OXNAD1: variants seen among roughly 807,000 people sequenced by gnomAD.
The protein encoded by OXNAD1 is oxidoreductase NAD binding domain containing 1.
A neutral mutation model predicts 32.9 loss-of-function variants in OXNAD1; 34 were observed. The ratio of observed to expected loss-of-function variants is 1.03; its 90% confidence interval spans 0.79 to 1.38. The LOEUF is 1.38. Among genes scored for constraint, OXNAD1 ranks in the 40% most tolerant of loss-of-function variants. The pLI is 0.00. For synonymous variants in OXNAD1, 134 were observed against 135.2 expected (o/e 0.99, Z 0.06); for missense variants, 407 against 379.4 (o/e 1.07, Z -0.60).
intron 9 of OXNAD1, among the ~76,000 whole-genome samples, chr3:16,332,697 C>T (rs58700524): frequency 0.014 from 2,064 of 152,312 alleles, 27 homozygotes; most frequent in African/African-American, 0.031. Flanking sequence ...GCACCCTTCT[C>T]GTCCAGGTTG....
In OXNAD1 at chr3:16,290,200, TGGGTATATAGTAA is replaced by T. The variant is rs1361056761; in HGVS notation, c.290+3756_290+3768del. On this transcript the variant is annotated intron_variant, in intron 5 of 8. Coordinates refer to ENST00000285083, the MANE Select transcript of OXNAD1 (RefSeq NM_138381.5). This position sits in a 1 kb window ranked among gnomAD's most constrained non-coding sequence, Gnocchi z 4.2. Reference sequence around the variant, plus strand: ...GCTCCTTCTGCATACACTCACTCATTGGGTATATAGTAAGGGCTTTAACTCATGGCTCCAAGAG... The same window carrying T: ...GCTCCTTCTGCATACACTCACTCATTGGGCTTTAACTCATGGCTCCAAGAG... Among the ~76,000 whole-genome samples, 1 of 152,166 alleles carries T rather than the reference TGGGTATATAGTAA, an allele frequency of 6.6e-6. No individual in the cohort carries two copies. Among genetic ancestry groups the T allele is most frequent in the Non-Finnish European group, 1.5e-5 (1 of 68,014 alleles).
At chr3:16,308,305 T>C (rs1471133829), downstream of OXNAD1, among the ~76,000 whole-genome samples, 1 of 152,170 alleles carries the variant, frequency 6.6e-6, no homozygotes, top group Non-Finnish European at 1.5e-5. This position sits in a 1 kb window ranked among gnomAD's most constrained non-coding sequence, Gnocchi z 4.4. Context: ...ACTGGAATGA[T>C]GGATCTTAGG....
Position 16,294,989 on chromosome 3 carries a change from C to T in OXNAD1, c.424C>T (p.His142Tyr). The change falls in exon 6 of 9, where the codon CAC becomes TAC. Residue 142 changes from histidine (H) to tyrosine (Y), a missense_variant. His to Tyr is a moderately conservative substitution (Grantham distance 83, BLOSUM62 2). Coordinates refer to ENST00000285083, the MANE Select transcript of OXNAD1 (RefSeq NM_138381.5). ...GAACCACCCTCCTGCCCTCTGGGTT[C>T]ACAATACGGTAAGCACACTGCCTGT... is the stretch of plus-strand genomic sequence containing the variant. Reference protein sequence around the residue: ...YTNHPPALWVHNTCTLDCEVA... With the variant: ...YTNHPPALWVYNTCTLDCEVA... The T allele has an allele frequency of 6.2e-7, 1 of 1,611,456 alleles. No homozygotes were observed. Among genetic ancestry groups the T allele is most frequent in the Non-Finnish European group, 8.5e-7 (1 of 1,178,802 alleles).
rs935155681 is a variant in OXNAD1, at chr3:16,317,592, T to A, written c.*30+14000T>A. On this transcript the variant is annotated intron_variant, in intron 9 of 9. Transcript: ENST00000435829. This position sits in a 1 kb window ranked among gnomAD's most constrained non-coding sequence, Gnocchi z 4.3. ...GAGGAGATGTGAGGCCTGCCCCCAG[T>A]AAGAGCCAGAGCTGCAGCTACTCAT... Among the ~76,000 whole-genome samples, 10 of 152,150 alleles carry A rather than the reference T, an allele frequency of 6.6e-5. No homozygotes were observed. Among genetic ancestry groups the A allele is most frequent in the African/African-American group, 2.4e-4 (10 of 41,426 alleles).
chr3:16,290,138 T>C lies in OXNAD1; in HGVS notation c.290+3690T>C, dbSNP rs1483362703. Among the ~76,000 whole-genome samples the C allele has an allele frequency of 6.6e-6, 1 of 152,188 alleles. No individual in the cohort carries two copies. Among genetic ancestry groups the C allele is most frequent in the Non-Finnish European group, 1.5e-5 (1 of 68,022 alleles). ...GACCTGGCTGCCTGGTGTGTCATGG[T>C]TGGATGTGGACATCCACTGCTTCAC... is the stretch of plus-strand genomic sequence containing the variant. On this transcript the variant is annotated intron_variant, in intron 5 of 8. Transcript: ENST00000285083. This position sits in a 1 kb window ranked among gnomAD's most constrained non-coding sequence, Gnocchi z 4.2.
rs936079242 is a variant in OXNAD1, at chr3:16,289,737, T to C, written c.290+3289T>C. ...TCATCTGGTAAGCATTGTGTGTCTT[T>C]TAAGACTGTTTAAAGGGCATCTCTT... On this transcript the variant is annotated intron_variant, in intron 5 of 8. Coordinates refer to ENST00000285083, the MANE Select transcript of OXNAD1 (RefSeq NM_138381.5). The surrounding 1 kb of genome is among the most constrained non-coding windows in gnomAD (Gnocchi z 4.9). 6.6e-6 allele frequency among the ~76,000 whole-genome samples: 1 copy of C among 152,240 alleles called. No individual in the cohort carries two copies.
At chr3:16,339,771 G>A (rs1029072197), downstream of OXNAD1, 3 of 152,130 alleles carry the variant, frequency 2.0e-5, no homozygotes, top group Non-Finnish European at 4.4e-5. Context: ...CTCCACAAAG[G>A]CAAGGAGTTT....
intron 4 of OXNAD1, among the ~76,000 whole-genome samples, chr3:16,278,962 G>T (rs1480048498): frequency 6.6e-6 from 1 of 152,188 alleles, no homozygotes; most frequent in Non-Finnish European, 1.5e-5. Context: ...TTCTCTACTG[G>T]TCATCACCTA....
chr3:16,330,771 C>T (rs894486918), intron 9 of OXNAD1, among the ~76,000 whole-genome samples: 1 of 152,210 alleles, frequency 6.6e-6, no homozygotes, highest in Non-Finnish European at 1.5e-5. Flanking sequence ...AAATAGACAT[C>T]CTACACAACC....
intron 9 of OXNAD1, among the ~76,000 whole-genome samples, chr3:16,328,080 G>A (rs530630451): frequency 3.9e-4 from 60 of 152,272 alleles, no homozygotes; most frequent in African/African-American, 1.3e-3. Context: ...TGGGTGCAAA[G>A]GCACAGCCCC....
downstream of OXNAD1, among the ~76,000 whole-genome samples, chr3:16,311,011 A>AAAAAAAAAAAAG (rs1472119686): frequency 2.2e-5 from 3 of 136,178 alleles, no homozygotes; most frequent in African/African-American, 6.2e-5. Context: ...AAAAAAAAAA[A>AAAAAAAAAAAAG]AAATCATCTG....
chr3:16,294,767 A>T, intron 5 of OXNAD1, 89 bp from the exon 6 acceptor site: 1 of 1,243,692 alleles, frequency 8.0e-7, no homozygotes. Flanking sequence ...ATTTTTTTTC[A>T]TAGTCTTGCA....
chr3:16,300,892 C>T (rs1464101201), intron 6 of OXNAD1, among the ~76,000 whole-genome samples: 2 of 152,202 alleles, frequency 1.3e-5, no homozygotes, highest in Non-Finnish European at 2.9e-5. Flanking sequence ...TAAAAAATGT[C>T]ATCACAAGTT....
chr3:16,271,664 T>A lies in OXNAD1; in HGVS notation c.125T>A (p.Met42Lys). Residue 42 changes from methionine (M) to lysine (K), a missense_variant, in exon 4 of 9, where the codon ATG becomes AAG. By Grantham distance (95) the Met-to-Lys change is moderately conservative. Coordinates refer to ENST00000285083, the MANE Select transcript of OXNAD1 (RefSeq NM_138381.5). This position sits in a 1 kb window ranked among gnomAD's most constrained non-coding sequence, Gnocchi z 4.6. ...AATTTTACTTTCTATTAAAGCATAA[T>A]GAAATCCAAAAGGAAAACTGATCAC... The part of the protein sequence containing the change: ...TLRHLTLTSI[M>K]KSKRKTDHME... 1 of 1,599,504 alleles carries A rather than the reference T, an allele frequency of 6.3e-7. No individual in the cohort carries two copies. Among genetic ancestry groups the A allele is most frequent in the Non-Finnish European group, 8.5e-7 (1 of 1,175,790 alleles).
At chr3:16,282,843 T>TTTC (rs1491320141) in intron 4 of OXNAD1, among the ~76,000 whole-genome samples, 1 of 148,544 alleles carries the variant, frequency 6.7e-6, no homozygotes, top group Non-Finnish European at 1.5e-5. Flanking sequence ...TTTTTTTTTT[T>TTTC]CGGTGATTGA....
At chr3:16,339,805 G>A (rs1157436130), downstream of OXNAD1, 2 of 152,168 alleles carry the variant, frequency 1.3e-5, no homozygotes, top group African/African-American at 4.8e-5. Context: ...TGAATCCCAG[G>A]CACTTAAGGA....
chr3:16,286,377 T>A lies in OXNAD1; in HGVS notation c.219T>A (p.Ser73Arg). 6.2e-7 allele frequency: 1 copy of A among 1,613,964 alleles called. No homozygotes were observed. ...CAGCTAAGGTGTGTGGAGCTGCCAG[T>A]GAGTCACCGTCAGTGAAGAGCCTCC... ...VSAAKVCGAA[S>R]ESPSVKSLRL... The change falls in exon 5 of 9, where the codon AGT becomes AGA. Residue 73 changes from serine to arginine, a missense_variant. Ser to Arg is a moderately radical substitution (Grantham distance 110). Coordinates refer to ENST00000285083, the MANE Select transcript of OXNAD1 (RefSeq NM_138381.5).
intron 4 of OXNAD1, among the ~76,000 whole-genome samples, chr3:16,281,492 G>A (rs1048722842): frequency 6.6e-6 from 1 of 152,128 alleles, no homozygotes; most frequent in Admixed American, 6.6e-5. Flanking sequence ...CAACCTATAA[G>A]TATAATGCAA....
rs772740868 is a variant in OXNAD1 at position 16,271,086 on chromosome 3, C to T, written c.119+15C>T. 4 of 1,611,720 alleles carry T rather than the reference C, an allele frequency of 2.5e-6. No homozygotes were observed. The highest frequency in any genetic ancestry group is 3.3e-4 in the Middle Eastern group (2 of 6,074). On this transcript the variant is annotated intron_variant, in intron 3 of 8. Transcript: ENST00000285083. This position sits in a 1 kb window ranked among gnomAD's most constrained non-coding sequence, Gnocchi z 4.6. ...ACTCTAACCAGGTGAGTCATTAAGA[C>T]TTCTGTGTCATTTGAAGTTAATTTT...
Sources: gnomAD v4.1 joint callset for allele counts (sites outside exome capture counted in the v4.1 genomes callset) on GRCh38, gnomAD v4.1.1 for gene constraint, Gnocchi (gnomAD v3.1) non-coding constraint, MANE v1.5 for transcripts, NCBI Gene and HGNC (gene_info 2026-07-23, HGNC 2026-07-21) for gene names.